The following TNK2 variants were observed in gnomAD, a reference collection of about 807,000 sequenced individuals.
The protein encoded by TNK2 is tyrosine kinase non receptor 2, also known as activated CDC42 kinase 1.
TNK2 carries 83 observed loss-of-function variants against 101.8 expected under a neutral mutation model. The observed-to-expected ratio is 0.82, with a 90% CI of 0.68 to 0.98. TNK2 has a LOEUF of 0.98. TNK2 is among the 50% of genes least tolerant of loss of function. The pLI is 0.00. For synonymous variants in TNK2, 804 were observed against 633.0 expected, an observed-to-expected ratio of 1.27 and a Z score of -4.06; for missense variants, 1,665 against 1,483.2, an observed-to-expected ratio of 1.12 and a Z score of -2.01.
In TNK2 at chr3:195,867,385, G is replaced by C. The variant is rs769555213; in HGVS notation, c.2913C>G (p.Gly971=). Residue 971 remains glycine, a synonymous_variant, in exon 13 of 16, where the codon GGC becomes GGG. Transcript: ENST00000672887. ...CCATCTGGATCTTGTCTGCTGGCCG[G>C]CCCGCCTCTGGCCCATCGCCAGGGC... ...RGCPGDGPEA[G]RPADKIQMLQ... 1.2e-5 allele frequency: 19 copies of C among 1,604,198 alleles called. No homozygotes were observed. The highest frequency in any genetic ancestry group is 2.7e-5 in the African/African-American group (2 of 74,852).
At chr3:195,895,510 G>A in intron 1 of TNK2, 13 of 1,352,096 alleles carry the variant, frequency 9.6e-6, no homozygotes, top group Admixed American at 4.1e-5. Flanking sequence ...TCCTCCTGCC[G>A]GCCTGCGGCC....
chr3:195,879,125 G>A lies in TNK2; in HGVS notation c.938C>T (p.Thr313Ile). The change falls in exon 7 of 16, where the codon ACC (threonine) becomes ATC (isoleucine). Residue 313 changes from threonine (T) to isoleucine (I), a missense_variant. Around this residue, in one of 3 missense-constraint regions of TNK2, gnomAD observed 490 missense variants for 522.5 expected, o/e 0.94. Coordinates refer to ENST00000672887, the MANE Select transcript of TNK2 (RefSeq NM_001382273.1). Reference protein sequence around the residue: ...KTRTFSHASDTWMFGVTLWEM... With the variant: ...KTRTFSHASDIWMFGVTLWEM... The stretch of plus-strand genomic sequence containing the variant: ...CCACAGTGTCACCCCGAACATCCAG[G>A]TGTCGCTGGCATGGGAGAAGGTGCG... 6.2e-7 allele frequency: 1 copy of A among 1,613,942 alleles called. No homozygotes were observed. Among genetic ancestry groups the A allele is most frequent in the Non-Finnish European group, 8.5e-7 (1 of 1,180,008 alleles).
In TNK2 at chr3:195,867,832, G is replaced by T. The variant is rs959192403; in HGVS notation, c.2466C>A (p.Leu822=). Residue 822 remains leucine, a synonymous_variant, in exon 13 of 16, where the codon CTC becomes CTA. Transcript: ENST00000672887. The part of the protein sequence containing the change: ...PPGSSPLPPR[L]SSSPGKTMPT... ...GCATGGTCTTCCCAGGTGAGCTTGA[G>T]AGCCGGGGTGGCAGCGGGGAGCTGC... The T allele has an allele frequency of 6.5e-7, 1 of 1,538,944 alleles. No homozygotes were observed.
Position 195,867,641 on chromosome 3 carries a change from C to T in TNK2, c.2657G>A (p.Arg886His), listed in dbSNP as rs763752077. Residue 886 changes from arginine to histidine, a missense_variant, in exon 13 of 16, where the codon CGC becomes CAC. Arg to His is a conservative substitution (Grantham distance 29). Around this residue, in one of 3 missense-constraint regions of TNK2, gnomAD observed 1,136 missense variants for 894.9 expected, o/e 1.27. Transcript: ENST00000672887. ...GGCCTCACGCAGGAAGCGCTGGTAG[C>T]GCTCCAGGTAGGATGGTCGCTCGGG... ...LLPERPSYLE[R>H]YQRFLREAQS... 25 of 1,602,126 alleles carry T rather than the reference C, an allele frequency of 1.6e-5. No homozygotes were observed. The highest frequency in any genetic ancestry group is 1.2e-4 in the Admixed American group (7 of 59,872).
Position 195,878,657 on chromosome 3 carries a change from C to A in TNK2, c.1015-65G>T. 6.4e-7 allele frequency: 1 copy of A among 1,568,374 alleles called. No homozygotes were observed. Among genetic ancestry groups the A allele is most frequent in the Non-Finnish European group, 8.6e-7 (1 of 1,156,660 alleles). ...CGCCCAGCCCTTCACTTCCCGCCTTCCCTCCAGCCCATCCACAGCTGCAGC... is the reference window on the plus strand; with the variant it reads ...CGCCCAGCCCTTCACTTCCCGCCTTACCTCCAGCCCATCCACAGCTGCAGC... On this transcript the variant is annotated intron_variant, in intron 7 of 15. Transcript: ENST00000672887. This position sits in a 1 kb window ranked among gnomAD's most constrained non-coding sequence, Gnocchi z 4.7.
intron 2 of TNK2, 130 bp from the exon 3 acceptor site, chr3:195,887,177 C>T: frequency 3.5e-6 from 3 of 853,752 alleles, no homozygotes; most frequent in Non-Finnish European, 5.6e-6. Flanking sequence ...TGAAATCAAC[C>T]CCAACTAACC....
At position 195,883,280 on chromosome 3, in the gene TNK2, G is replaced by A. The variant is rs201300355; in HGVS notation, c.486C>T (p.Pro162=). The A allele has an allele frequency of 8.7e-6, 14 of 1,613,328 alleles. 1 individual carries two copies. The highest frequency in any genetic ancestry group is 6.7e-5 in the African/African-American group (5 of 75,002). ...TVSVAVKCLK[P]DVLSQPEAMD... ...TGGCTTCTGGCTGGCTCAGGACATC[G>A]GGCTTCAGGCACTTCACAGCCACAC... is the stretch of plus-strand genomic sequence containing the variant. The change falls in exon 5 of 16, where the codon CCC becomes CCT. Residue 162 remains proline, a synonymous_variant. Coordinates refer to ENST00000672887, the MANE Select transcript of TNK2 (RefSeq NM_001382273.1).
intron 9 of TNK2, among the ~76,000 whole-genome samples, chr3:195,873,162 CA>C (rs1487142577): frequency 6.6e-6 from 1 of 152,200 alleles, no homozygotes; most frequent in Non-Finnish European, 1.5e-5. Context: ...TACCTGTGTC[CA>C]AAAGGGAACT....
chr3:195,869,467 G>C, intron 12 of TNK2, 30 bp downstream of exon 12: 1 of 1,549,348 alleles, frequency 6.5e-7, no homozygotes, highest in Middle Eastern at 1.8e-4. Context: ...CGGGGGCGGG[G>C]GCCAAGGCAT....
chr3:195,888,681 A>G lies in TNK2; in HGVS notation c.-18-75T>C. ...GGGCCTGCCCGAGTGACCTGGGCTC[A>G]CCTTCATCCCACTACACGGCCACCC... On this transcript the variant is annotated intron_variant, in intron 1 of 15. Transcript: ENST00000672887. This position sits in a 1 kb window ranked among gnomAD's most constrained non-coding sequence, Gnocchi z 5.3. 2.1e-6 allele frequency: 3 copies of G among 1,400,808 alleles called. No homozygotes were observed. Among genetic ancestry groups the G allele is most frequent in the Non-Finnish European group, 2.9e-6 (3 of 1,043,744 alleles). The allele number at this position is 1,400,808 out of a possible 1,614,324, so 86.8% of individuals were successfully genotyped here.
chr3:195,867,105 C>CT (rs1467741934), intron 14 of TNK2, 64 bp downstream of exon 14: 3 of 1,607,722 alleles, frequency 1.9e-6, no homozygotes, highest in Non-Finnish European at 2.6e-6. Flanking sequence ...GGGCGTGGGG[C>CT]TGGGGGCAGC....
In TNK2 at chr3:195,885,076, A is replaced by G. The variant is rs758777907; in HGVS notation, c.235-43T>C. 13 of 1,530,002 alleles carry G rather than the reference A, an allele frequency of 8.5e-6. No individual in the cohort carries two copies. The highest frequency in any genetic ancestry group is 1.1e-5 in the Non-Finnish European group (13 of 1,131,692). 94.8% of individuals were successfully genotyped at this position (1,530,002 alleles called of 1,614,324 possible). ...GGGGCCAGATGGAATCCAACACCCCAGGGTCAGTCACTCAGTCCCACCCCG... is the reference window on the plus strand; with the variant it reads ...GGGGCCAGATGGAATCCAACACCCCGGGGTCAGTCACTCAGTCCCACCCCG... On this transcript the variant is annotated intron_variant, in intron 3 of 15. Transcript: ENST00000672887. This position sits in a 1 kb window ranked among gnomAD's most constrained non-coding sequence, Gnocchi z 4.7.
At chr3:195,894,633 C>T (rs79229020) in intron 1 of TNK2, 17,415 of 152,002 alleles carry the variant, frequency 0.11, 1,352 homozygotes, top group East Asian at 0.39. Context: ...AGGTGATCTG[C>T]CCGCCTCGGC....
At chr3:195,869,111 C>T in intron 12 of TNK2, 1 of 471,120 alleles carries the variant, frequency 2.1e-6, no homozygotes, top group Non-Finnish European at 3.8e-6. Flanking sequence ...CGCCTCCTGC[C>T]ATCAGGGGCT....
intron 12 of TNK2, chr3:195,868,927 T>G: frequency 1.7e-6 from 1 of 572,618 alleles, no homozygotes; most frequent in Non-Finnish European, 3.0e-6. Flanking sequence ...CAGCCCCATG[T>G]GGGCCGGTGA....
intron 1 of TNK2, among the ~76,000 whole-genome samples, chr3:195,902,076 G>A (rs1761261706): frequency 1.3e-5 from 2 of 152,172 alleles, no homozygotes; most frequent in Admixed American, 6.5e-5. Context: ...GAATGCCATA[G>A]GCCCCTAGGG....
At chr3:195,869,760 G>A (rs1378255915) in intron 11 of TNK2, 2 of 609,490 alleles carry the variant, frequency 3.3e-6, no homozygotes, top group Admixed American at 2.8e-5. Context: ...GGAGATGGAG[G>A]AGGCCCCAGG....
In TNK2 at chr3:195,869,816, G is replaced by A. The variant is rs537494949; in HGVS notation, c.1544-275C>T. Reference sequence around the variant, plus strand: ...GGTTTTGGCTTGGGACAGGAGAGCAGGATTAGGGGGAAGTGAGGAAAGCCA... The same window carrying A: ...GGTTTTGGCTTGGGACAGGAGAGCAAGATTAGGGGGAAGTGAGGAAAGCCA... On this transcript the variant is annotated intron_variant, in intron 11 of 15. Transcript: ENST00000672887. 98 of 577,004 alleles carry A rather than the reference G, an allele frequency of 1.7e-4. No homozygotes were observed. In the African/African-American group the frequency reaches 1.7e-3, roughly 10 times the overall value. 35.7% of individuals were successfully genotyped at this position (577,004 alleles called of 1,614,324 possible).
chr3:195,895,436 G>A (rs150628608), intron 1 of TNK2: 14,907 of 1,473,836 alleles, frequency 0.01, 158 homozygotes, highest in Middle Eastern at 0.029. Flanking sequence ...GTGCAGGGCC[G>A]CTACTGCGTC....
Sources: gnomAD v4.1 joint callset for allele counts (sites outside exome capture counted in the v4.1 genomes callset) on GRCh38, gnomAD v4.1.1 for gene constraint, gnomAD v4.1.1 regional missense constraint, Gnocchi (gnomAD v3.1) non-coding constraint, MANE v1.5 for transcripts, NCBI Gene and HGNC (gene_info 2026-07-23, HGNC 2026-07-21) for gene names.